The following ZNF326 variants were observed in gnomAD, a reference collection of about 807,000 sequenced individuals.
The protein encoded by ZNF326 is DBIRD complex subunit ZNF326.
In ZNF326, 30 loss-of-function variants were observed where a neutral mutation model predicts 63.1. That is an observed-to-expected ratio of 0.48 (90% CI 0.36 to 0.64). The LOEUF (loss-of-function observed/expected upper bound fraction) is 0.64, where lower values mean the gene tolerates loss of function less well. Among genes scored for constraint, ZNF326 ranks in the 30% least tolerant of loss-of-function variants. The pLI is 0.00. For synonymous variants in ZNF326, 194 were observed against 228.2 expected (o/e 0.85, Z 1.35); for missense variants, 609 against 720.3 (o/e 0.85, Z 1.77).
At chr1:90,008,561 A>T (rs2816889) in intron 5 of ZNF326, among the ~76,000 whole-genome samples, 147,139 of 152,266 alleles carry the variant, frequency 0.97, 71,126 homozygotes, top group East Asian at 0.98. Flanking sequence ...TGACATGAAA[A>T]TTTACCTAGT....
chr1:90,001,245 A>G (rs1484794628), intron 2 of ZNF326, among the ~76,000 whole-genome samples: 1 of 152,216 alleles, frequency 6.6e-6, no homozygotes, highest in African/African-American at 2.4e-5. Context: ...AACCACTGGT[A>G]TAGGTTCTTA....
In ZNF326 at chr1:90,010,215, C is replaced by T; in HGVS notation, c.743C>T (p.Pro248Leu). The T allele has an allele frequency of 4.3e-6, 7 of 1,613,748 alleles. No individual in the cohort carries two copies. Among genetic ancestry groups the T allele is most frequent in the Non-Finnish European group, 5.9e-6 (7 of 1,179,836 alleles). The change falls in exon 6 of 12, where the codon CCC becomes CTC. Residue 248 changes from proline to leucine, a missense_variant. This residue lies in a region of ZNF326 where 399 missense variants were observed against 444.3 expected (regional missense o/e 0.90). Coordinates refer to ENST00000340281, the MANE Select transcript of ZNF326 (RefSeq NM_182976.4). ...KRKMMQPFNK[P>L]SGTFIKKPKL... ...AAAATGATGCAGCCATTTAATAAGC[C>T]CAGTGGAACCTTTATCAAGAAACCC...
chr1:90,027,782 A>G lies in ZNF326; in HGVS notation c.*81A>G. 2.3e-6 allele frequency: 3 copies of G among 1,325,630 alleles called. No homozygotes were observed. Among genetic ancestry groups the G allele is most frequent in the Non-Finnish European group, 3.2e-6 (3 of 934,232 alleles). 82.1% of individuals were successfully genotyped at this position (1,325,630 alleles called of 1,614,324 possible). A position where few individuals can be genotyped will look rare whatever the true frequency, so the allele number is the denominator to read the frequency against. On this transcript the variant is annotated 3_prime_UTR_variant, in exon 12 of 12. Coordinates refer to ENST00000340281, the MANE Select transcript of ZNF326 (RefSeq NM_182976.4). ...GGTAAGAAATTTAATAGCTTAAAAT[A>G]TGAATTAACACCCATGTTGCATGCA... is the stretch of plus-strand genomic sequence containing the variant.
chr1:90,005,449 A>G, intron 4 of ZNF326: 1 of 1,304,564 alleles, frequency 7.7e-7, no homozygotes, highest in Non-Finnish European at 9.7e-7. Context: ...AAAACACCAG[A>G]TAACTATATC....
chr1:90,011,137 A>T (rs763542136), intron 6 of ZNF326, among the ~76,000 whole-genome samples: 1 of 151,094 alleles, frequency 6.6e-6, no homozygotes, highest in Non-Finnish European at 1.5e-5. Flanking sequence ...GCAGATATAT[A>T]TGTATCCCTC....
At position 90,027,734 on chromosome 1, in the gene ZNF326, A is replaced by G. The variant is rs774529450; in HGVS notation, c.*33A>G. 3.7e-6 allele frequency: 6 copies of G among 1,602,796 alleles called. No individual in the cohort carries two copies. Among genetic ancestry groups the G allele is most frequent in the Admixed American group, 3.4e-5 (2 of 59,306 alleles). On this transcript the variant is annotated 3_prime_UTR_variant, in exon 12 of 12. Transcript: ENST00000340281. ...GTATTAGATTTAAAAGGAGCTTTAC[A>G]TTTCGGTTCTAATGTAAAAAAGGGT...
At chr1:90,018,612 T>C (rs1649612489) in intron 8 of ZNF326, 73 bp from the exon 9 acceptor site, 1 of 754,346 alleles carries the variant, frequency 1.3e-6, no homozygotes, top group Non-Finnish European at 2.2e-6. Flanking sequence ...TTCCATAGAA[T>C]GAACATAGTG....
chr1:90,000,182 T>G (rs1353041275), intron 2 of ZNF326, among the ~76,000 whole-genome samples: 1 of 152,144 alleles, frequency 6.6e-6, no homozygotes. Context: ...AGAAGAAGAC[T>G]TACGGGCTTT....
At chr1:90,015,998 A>G (rs1334467554) in intron 7 of ZNF326, among the ~76,000 whole-genome samples, 5 of 152,138 alleles carry the variant, frequency 3.3e-5, no homozygotes. Flanking sequence ...AATTTCCTGG[A>G]TGGCAGCTGA....
Position 89,995,190 on chromosome 1 carries a change from C to A in ZNF326, c.-68C>A. 3 of 1,511,658 alleles carry A rather than the reference C, an allele frequency of 2.0e-6. No homozygotes were observed. Among genetic ancestry groups the A allele is most frequent in the South Asian group, 2.4e-5 (2 of 82,036 alleles). 93.6% of individuals were successfully genotyped at this position (1,511,658 alleles called of 1,614,324 possible). ...GGAGTGATCGTGTGGAATCGCGGGTCGCGGACGCTCGCCGCCGGCCATAGC... is the reference window on the plus strand; with the variant it reads ...GGAGTGATCGTGTGGAATCGCGGGTAGCGGACGCTCGCCGCCGGCCATAGC... On this transcript the variant is annotated 5_prime_UTR_variant, in exon 1 of 12. Coordinates refer to ENST00000340281, the MANE Select transcript of ZNF326 (RefSeq NM_182976.4).
In ZNF326 at chr1:90,011,077, T is replaced by C. The variant is rs187143438; in HGVS notation, c.814+791T>C. ...CTATTTCAAAGATATATTTTGCACG[T>C]ATGGTTAAATATTGCAAAAGTTTGA... is the stretch of plus-strand genomic sequence containing the variant. On this transcript the variant is annotated intron_variant, in intron 6 of 11. Transcript: ENST00000340281. Among the ~76,000 whole-genome samples the C allele has an allele frequency of 7.3e-3, 1,116 of 152,300 alleles. 9 individuals carry two copies. Among genetic ancestry groups the C allele is most frequent in the Non-Finnish European group, 0.011 (729 of 68,002 alleles).
rs1055490364 is a variant in ZNF326, at chr1:89,995,134, C to T, written c.-124C>T. On this transcript the variant is annotated 5_prime_UTR_variant, in exon 1 of 12. Transcript: ENST00000340281. ...CAGCCTCGCTGTGGCCTGCGGCTCC[C>T]GGGCTGGTAGCGCGCCGCTCTCGGT... is the stretch of plus-strand genomic sequence containing the variant. 5.6e-6 allele frequency: 7 copies of T among 1,246,324 alleles called. No individual in the cohort carries two copies. The highest frequency in any genetic ancestry group is 4.0e-4 in the Middle Eastern group (2 of 5,062). The allele number at this position is 1,246,324 out of a possible 1,614,324, so 77.2% of individuals were successfully genotyped here.
chr1:90,028,025 ATGC>A lies in ZNF326; in HGVS notation c.*329_*331del, dbSNP rs1650105921. ...ATCTATTCTAATCATTTTATCTTAA[ATGC>A]TGCTCTTGGGAGTGAATATTCAAGT... On this transcript the variant is annotated 3_prime_UTR_variant, in exon 12 of 12. Coordinates refer to ENST00000340281, the MANE Select transcript of ZNF326 (RefSeq NM_182976.4). The A allele has an allele frequency of 4.0e-6, 1 of 250,084 alleles. No homozygotes were observed. The allele number at this position is 250,084 out of a possible 1,614,324, so 15.5% of individuals were successfully genotyped here.
At chr1:90,005,420 T>C in intron 4 of ZNF326, 176 bp downstream of exon 4, 2 of 1,336,930 alleles carry the variant, frequency 1.5e-6, no homozygotes. Flanking sequence ...TCAGTATTAC[T>C]GGCAGACGTT....
intron 4 of ZNF326, chr1:90,005,467 T>C: frequency 8.2e-7 from 1 of 1,214,934 alleles, no homozygotes; most frequent in Middle Eastern, 3.2e-4. Context: ...ATCATGTCAA[T>C]ATAATAGAGT....
At chr1:89,998,007 A>C (rs1648479767) in intron 1 of ZNF326, 103 bp from the exon 2 acceptor site, 1 of 959,956 alleles carries the variant, frequency 1.0e-6, no homozygotes, top group African/African-American at 1.6e-5. Flanking sequence ...AATTGGGTTA[A>C]TGTCATTTTA....
At chr1:90,016,434 T>C (rs1649505257) in intron 7 of ZNF326, among the ~76,000 whole-genome samples, 1 of 152,046 alleles carries the variant, frequency 6.6e-6, no homozygotes, top group Non-Finnish European at 1.5e-5. Flanking sequence ...GAAACAGTTA[T>C]TCTGGTCACG....
chr1:90,026,195 C>T (rs1236199410), intron 11 of ZNF326, among the ~76,000 whole-genome samples: 7 of 152,156 alleles, frequency 4.6e-5, no homozygotes, highest in African/African-American at 1.7e-4. Flanking sequence ...AATCTCCTGA[C>T]CTTGTGATCC....
At chr1:90,018,570 G>T in intron 8 of ZNF326, 115 bp from the exon 9 acceptor site, 2 of 505,290 alleles carry the variant, frequency 4.0e-6, no homozygotes, top group East Asian at 7.0e-5. Context: ...CTTGAGAAAA[G>T]ATGTTAATTC....
Sources: gnomAD v4.1 joint callset for allele counts (sites outside exome capture counted in the v4.1 genomes callset) on GRCh38, gnomAD v4.1.1 for gene constraint, gnomAD v4.1.1 regional missense constraint, MANE v1.5 for transcripts, NCBI Gene and HGNC (gene_info 2026-07-23, HGNC 2026-07-21) for gene names.